The following PTPRD variants were observed in gnomAD, a reference collection of about 807,000 sequenced individuals.
The protein encoded by PTPRD is protein tyrosine phosphatase receptor type D.
Under a neutral mutation model 214.5 loss-of-function variants are expected in PTPRD, and 34 were observed. That is an observed-to-expected ratio of 0.16 (90% CI 0.12 to 0.21). The LOEUF (loss-of-function observed/expected upper bound fraction) is 0.21. Ranked by LOEUF, PTPRD falls within the 10% of genes least tolerant of loss-of-function variation. The pLI is 1.00. For synonymous variants in PTPRD, 1,128 were observed against 845.7 expected (o/e 1.33, Z -5.79); for missense variants, 2,545 against 2,398.7 (o/e 1.06, Z -1.27).
intron 7 of PTPRD, among the ~76,000 whole-genome samples, chr9:9,723,075 T>C (rs1220137580): frequency 6.6e-6 from 1 of 152,102 alleles, no homozygotes; most frequent in Non-Finnish European, 1.5e-5. Context: ...TCTTTGATGT[T>C]GTAGTTAAGA....
At chr9:8,687,741 G>GTTT (rs34897285) in intron 12 of PTPRD, among the ~76,000 whole-genome samples, 2 of 145,950 alleles carry the variant, frequency 1.4e-5, no homozygotes, top group Non-Finnish European at 3.0e-5. Context: ...TAAAATAAGA[G>GTTT]TTTTTTTTTT....
chr9:9,352,327 ATG>A (rs1055505531), intron 9 of PTPRD, among the ~76,000 whole-genome samples: 1,381 of 68,372 alleles, frequency 0.02, 12 homozygotes, highest in Non-Finnish European at 0.025. Context: ...ATATATATAT[ATG>A]TGTGTGTGTG....
intron 7 of PTPRD, among the ~76,000 whole-genome samples, chr9:9,724,379 T>C (rs1371186278): frequency 1.3e-5 from 2 of 152,174 alleles, no homozygotes; most frequent in Non-Finnish European, 1.5e-5. Context: ...TCAATAAACA[T>C]AGTGTTCAAG....
chr9:10,363,991 G>GTTTTTGTTTTTTTTT lies in PTPRD; in HGVS notation c.-599-22975_-599-22974insAAAAAAAAACAAAAA, dbSNP rs1555222212. On this transcript the variant is annotated intron_variant, in intron 2 of 45. Transcript: ENST00000381196. ...ATTATTATTGCCTCCACATTTTCGG[G>GTTTTTGTTTTTTTTT]TTTTTTTTTTTTTTTTTTTTTTTTT... Among the ~76,000 whole-genome samples the GTTTTTGTTTTTTTTT allele has an allele frequency of 1.5e-3, 51 of 35,128 alleles. 7 individuals are homozygous for GTTTTTGTTTTTTTTT. The highest frequency in any genetic ancestry group is 1.7e-3 in the Non-Finnish European group (31 of 18,094). The allele number at this position is 35,128 out of a possible 152,430, so 23.0% of individuals were successfully genotyped here.
intron 5 of PTPRD, among the ~76,000 whole-genome samples, chr9:9,839,094 T>C (rs1361155803): frequency 6.6e-6 from 1 of 152,192 alleles, no homozygotes; most frequent in Non-Finnish European, 1.5e-5. Flanking sequence ...CGGCGTTATT[T>C]TTGAGGGCTC....
intron 9 of PTPRD, among the ~76,000 whole-genome samples, chr9:9,272,439 A>G (rs905335905): frequency 3.3e-5 from 5 of 151,294 alleles, no homozygotes; most frequent in Admixed American, 2.0e-4. Flanking sequence ...CTGACTTAAT[A>G]TTAGCGGGAA....
chr9:10,070,596 G>C (rs759940526), intron 3 of PTPRD, among the ~76,000 whole-genome samples: 1 of 151,908 alleles, frequency 6.6e-6, no homozygotes, highest in Non-Finnish European at 1.5e-5. Flanking sequence ...CATTTATGGA[G>C]ATCATAAAAT....
intron 3 of PTPRD, among the ~76,000 whole-genome samples, chr9:10,110,312 A>T (rs2098679223): frequency 6.6e-6 from 1 of 152,118 alleles, no homozygotes; most frequent in Admixed American, 6.5e-5. Context: ...AGTTGTTATT[A>T]TTGCTGTCAT....
chr9:10,512,026 ATATG>A (rs1182034708), intron 2 of PTPRD, among the ~76,000 whole-genome samples: 3 of 57,902 alleles, frequency 5.2e-5, no homozygotes, highest in African/African-American at 3.0e-4. Flanking sequence ...GTGTATATAT[ATATG>A]TATATATATA....
At chr9:9,297,693 T>A (rs542970481) in intron 9 of PTPRD, among the ~76,000 whole-genome samples, 1 of 151,750 alleles carries the variant, frequency 6.6e-6, no homozygotes, top group African/African-American at 2.4e-5. Flanking sequence ...AAATCCAACA[T>A]TGATGGTTGG....
chr9:10,203,338 A>C (rs1476026346), intron 3 of PTPRD, among the ~76,000 whole-genome samples: 1 of 152,072 alleles, frequency 6.6e-6, no homozygotes, highest in Non-Finnish European at 1.5e-5. Context: ...TGGAGTTCAG[A>C]AGAAAATAAA....
chr9:9,903,227 C>G (rs565768476), intron 5 of PTPRD, among the ~76,000 whole-genome samples: 1 of 152,164 alleles, frequency 6.6e-6, no homozygotes, highest in South Asian at 2.1e-4. Context: ...ATTTGCTTCA[C>G]TTTATATTTT....
At chr9:9,049,667 G>C (rs2099680887) in intron 10 of PTPRD, among the ~76,000 whole-genome samples, 2 of 152,042 alleles carry the variant, frequency 1.3e-5, no homozygotes, top group African/African-American at 4.8e-5. Context: ...AGAGGTTGTG[G>C]GGTTTTAGGT....
intron 9 of PTPRD, among the ~76,000 whole-genome samples, chr9:9,374,365 C>T (rs1018799129): frequency 6.6e-6 from 1 of 151,680 alleles, no homozygotes; most frequent in Non-Finnish European, 1.5e-5. Context: ...ACATTAAAGT[C>T]AAAACAAAAT....
At chr9:9,136,933 G>A in intron 10 of PTPRD, among the ~76,000 whole-genome samples, 1 of 152,010 alleles carries the variant, frequency 6.6e-6, no homozygotes, top group East Asian at 1.9e-4. Context: ...TCTGTGCCTG[G>A]CTTGCTCAGG....
In PTPRD at chr9:9,861,541, C is replaced by T. The variant is rs559299720; in HGVS notation, c.-368+76966G>A. On this transcript the variant is annotated intron_variant, in intron 5 of 45. Coordinates refer to ENST00000381196, the MANE Select transcript of PTPRD (RefSeq NM_002839.4). ...TCATGACCTCGTGATCCGCCCACCT[C>T]GGCCTCTCAAAGTGCTGGATTACTG... Among the ~76,000 whole-genome samples the T allele has an allele frequency of 1.6e-4, 25 of 152,288 alleles. No homozygotes were observed. In the South Asian group the frequency reaches 1.9e-3, roughly 11 times the overall value.
At chr9:9,652,496 A>G (rs993705791) in intron 7 of PTPRD, among the ~76,000 whole-genome samples, 4 of 152,186 alleles carry the variant, frequency 2.6e-5, no homozygotes, top group African/African-American at 9.7e-5. Context: ...TATAATTTCA[A>G]TAGGCTCCCT....
intron 2 of PTPRD, among the ~76,000 whole-genome samples, chr9:10,441,899 C>T (rs1410467946): frequency 6.6e-6 from 1 of 151,590 alleles, no homozygotes; most frequent in South Asian, 2.1e-4. Context: ...AAATTACAAT[C>T]ATTGGCTATC....
At chr9:8,580,375 A>G (rs1228383343) in intron 14 of PTPRD, among the ~76,000 whole-genome samples, 1 of 152,220 alleles carries the variant, frequency 6.6e-6, no homozygotes. Context: ...AGACCTAAAA[A>G]GTGGAGTGAC....
Sources: allele counts gnomAD v4.1 joint callset (sites outside exome capture counted in the v4.1 genomes callset), GRCh38; gene constraint gnomAD v4.1.1; transcripts MANE v1.5; gene names NCBI Gene and HGNC (gene_info 2026-07-23, HGNC 2026-07-21).